The following ANGPT1 variants were observed in gnomAD, a reference collection of about 807,000 sequenced individuals.
ANGPT1 encodes the protein angiopoietin-1.
In ANGPT1, 17 loss-of-function variants were observed where a neutral mutation model predicts 62.2. That is an observed-to-expected ratio of 0.27 (90% CI 0.19 to 0.41). The LOEUF is 0.41. ANGPT1 is among the 10% of genes least tolerant of loss of function. ANGPT1 has a pLI of 1.00. For synonymous variants in ANGPT1, 199 were observed against 198.9 expected, an observed-to-expected ratio of 1.00 and a Z score of 0.00; for missense variants, 478 against 594.9, an observed-to-expected ratio of 0.80 and a Z score of 2.04.
chr8:107,305,539 G>A (rs1412832479), intron 4 of ANGPT1, among the ~76,000 whole-genome samples: 1 of 151,806 alleles, frequency 6.6e-6, no homozygotes, highest in East Asian at 1.9e-4. Flanking sequence ...GGAAAAAGTT[G>A]GGTATTAACT....
At chr8:107,414,052 G>C (rs1402778616) in intron 1 of ANGPT1, among the ~76,000 whole-genome samples, 1 of 152,112 alleles carries the variant, frequency 6.6e-6, no homozygotes, top group Non-Finnish European at 1.5e-5. Flanking sequence ...ATCTTCATCT[G>C]TTCATGATTG....
chr8:107,444,734 T>C (rs1586327828), intron 1 of ANGPT1, among the ~76,000 whole-genome samples: 1 of 152,246 alleles, frequency 6.6e-6, no homozygotes, highest in East Asian at 1.9e-4. Context: ...TTCACAATGA[T>C]GAGAGTGAAA....
At chr8:107,285,847 G>A (rs1395042671) in intron 6 of ANGPT1, among the ~76,000 whole-genome samples, 1 of 151,934 alleles carries the variant, frequency 6.6e-6, no homozygotes, top group Non-Finnish European at 1.5e-5. Flanking sequence ...TGGCCATGTT[G>A]TGAGCTCCCT....
intron 3 of ANGPT1, among the ~76,000 whole-genome samples, chr8:107,323,544 T>C (rs879693915): frequency 6.6e-6 from 1 of 152,080 alleles, no homozygotes; most frequent in Non-Finnish European, 1.5e-5. Flanking sequence ...TTTACACAGA[T>C]TAAGAAGTGT....
At chr8:107,487,091 G>T (rs1012187410) in intron 1 of ANGPT1, among the ~76,000 whole-genome samples, 2 of 151,876 alleles carry the variant, frequency 1.3e-5, no homozygotes, top group East Asian at 1.9e-4. Context: ...ATAGTCCCCC[G>T]TCCCTCACTG....
At chr8:107,326,396 C>T (rs1483788637) in intron 3 of ANGPT1, among the ~76,000 whole-genome samples, 4 of 152,102 alleles carry the variant, frequency 2.6e-5, no homozygotes, top group Non-Finnish European at 5.9e-5. Flanking sequence ...TATCTACCAA[C>T]TTTATTTATT....
At chr8:107,329,769 A>C (rs1212905820) in intron 3 of ANGPT1, among the ~76,000 whole-genome samples, 3 of 151,936 alleles carry the variant, frequency 2.0e-5, no homozygotes, top group Non-Finnish European at 2.9e-5. Flanking sequence ...TAGCATTCAA[A>C]ATGCATTTAA....
intron 1 of ANGPT1, among the ~76,000 whole-genome samples, chr8:107,368,225 T>C (rs1816315927): frequency 7.2e-5 from 11 of 152,168 alleles, no homozygotes; most frequent in Admixed American, 7.2e-4. Flanking sequence ...TGCATCTCCA[T>C]CAGAGCTCCT....
intron 6 of ANGPT1, among the ~76,000 whole-genome samples, chr8:107,286,612 G>T (rs1367269339): frequency 6.6e-6 from 1 of 152,038 alleles, no homozygotes; most frequent in East Asian, 1.9e-4. Context: ...ATTAACATAT[G>T]TGTACACTTT....
At chr8:107,387,187 G>T (rs888351472) in intron 1 of ANGPT1, among the ~76,000 whole-genome samples, 2 of 152,084 alleles carry the variant, frequency 1.3e-5, no homozygotes, top group African/African-American at 2.4e-5. Flanking sequence ...AAACAAAGTG[G>T]TAGAAGACAG....
In ANGPT1 at chr8:107,334,040, T is replaced by G. The variant is rs2347760; in HGVS notation, c.575+2110A>C. Among the ~76,000 whole-genome samples the G allele has an allele frequency of 1.1e-4, 16 of 144,574 alleles. No homozygotes were observed. The East Asian group carries it at 1.8e-3, about 17-fold the overall frequency. 94.8% of individuals were successfully genotyped at this position (144,574 alleles called of 152,430 possible). A position where few individuals can be genotyped will look rare whatever the true frequency, so the allele number is the denominator to read the frequency against. ...AAGGAAGGAAGGAAGGAAGGAAGGA[T>G]GGATAAATATGAGAAGGAGGGAAGA... On this transcript the variant is annotated intron_variant, in intron 3 of 8. Coordinates refer to ENST00000517746, the MANE Select transcript of ANGPT1 (RefSeq NM_001146.5).
intron 1 of ANGPT1, among the ~76,000 whole-genome samples, chr8:107,475,200 G>A (rs1330168507): frequency 3.3e-5 from 5 of 152,198 alleles, no homozygotes; most frequent in Non-Finnish European, 5.9e-5. Flanking sequence ...CAAGGCTACA[G>A]TAACCAAAAC....
chr8:107,435,267 CA>C (rs1811303385), intron 1 of ANGPT1, among the ~76,000 whole-genome samples: 1 of 152,084 alleles, frequency 6.6e-6, no homozygotes, highest in Admixed American at 6.5e-5. Flanking sequence ...TCATACCCCC[CA>C]AAAGCTGTTA....
intron 3 of ANGPT1, among the ~76,000 whole-genome samples, chr8:107,331,867 C>T (rs1563572999): frequency 6.6e-6 from 1 of 152,090 alleles, no homozygotes; most frequent in Non-Finnish European, 1.5e-5. Flanking sequence ...CAAGAAAGCC[C>T]GTGTGCTCCG....
At chr8:107,430,068 C>T (rs760764124) in intron 1 of ANGPT1, among the ~76,000 whole-genome samples, 7 of 151,980 alleles carry the variant, frequency 4.6e-5, no homozygotes, top group South Asian at 2.1e-4. Flanking sequence ...ACTTCTGAAA[C>T]GTACTGAAAG....
intron 1 of ANGPT1, among the ~76,000 whole-genome samples, chr8:107,394,654 G>C (rs1311508822): frequency 6.6e-6 from 1 of 152,140 alleles, no homozygotes; most frequent in East Asian, 1.9e-4. Flanking sequence ...TGGATTAGCA[G>C]ATTGTCACTA....
chr8:107,354,231 CTAG>C (rs1219427534), intron 1 of ANGPT1, among the ~76,000 whole-genome samples: 1 of 152,156 alleles, frequency 6.6e-6, no homozygotes, highest in Non-Finnish European at 1.5e-5. Flanking sequence ...CCTTCTCACA[CTAG>C]TAAAATGTCA....
intron 2 of ANGPT1, among the ~76,000 whole-genome samples, chr8:107,346,640 A>G (rs565743773): frequency 6.6e-6 from 1 of 152,324 alleles, no homozygotes; most frequent in Admixed American, 6.5e-5. Context: ...TCAAATGGTT[A>G]CTTTGTTTGA....
chr8:107,397,064 A>G (rs1816951303), intron 1 of ANGPT1, among the ~76,000 whole-genome samples: 1 of 152,054 alleles, frequency 6.6e-6, no homozygotes, highest in African/African-American at 2.4e-5. Flanking sequence ...CTGTACCTTA[A>G]ATGACTATTT....
Sources: gnomAD v4.1 joint callset for allele counts (sites outside exome capture counted in the v4.1 genomes callset) on GRCh38, gnomAD v4.1.1 for gene constraint, MANE v1.5 for transcripts, NCBI Gene and HGNC (gene_info 2026-07-23, HGNC 2026-07-21) for gene names.